The following CLEC2A variants were observed in gnomAD, a reference collection of about 807,000 sequenced individuals.
CLEC2A encodes C-type lectin domain family 2 member A, also known as keratinocyte-associated C-type lectin.
A neutral mutation model predicts 18.6 loss-of-function variants in CLEC2A; 19 were observed. The ratio of observed to expected loss-of-function variants is 1.02; its 90% confidence interval spans 0.71 to 1.50. The LOEUF is 1.50. CLEC2A is among the 40% of genes most tolerant of loss of function. The pLI is 0.00. For missense variants in CLEC2A, 190 were observed against 207.9 expected, an observed-to-expected ratio of 0.91 and a Z score of 0.53; for synonymous variants, 74 against 64.0, an observed-to-expected ratio of 1.16 and a Z score of -0.75.
At chr12:9,901,813 T>C (rs187358507) in intron 4 of CLEC2A, among the ~76,000 whole-genome samples, 1 of 152,342 alleles carries the variant, frequency 6.6e-6, no homozygotes, top group East Asian at 1.9e-4. Flanking sequence ...GCAAAAACCT[T>C]TTATAACCCT....
chr12:9,900,970 A>G (rs145064135), intron 4 of CLEC2A, among the ~76,000 whole-genome samples: 3,427 of 152,336 alleles, frequency 0.022, 136 homozygotes, highest in African/African-American at 0.078. Flanking sequence ...CAAATTCTAG[A>G]GGAACCAGGC....
downstream of CLEC2A, among the ~76,000 whole-genome samples, chr12:9,911,033 C>A (rs1247728344): frequency 2.0e-5 from 3 of 152,188 alleles, no homozygotes; most frequent in Admixed American, 1.3e-4. Flanking sequence ...GCACACTGAA[C>A]AAAGGAGGGT....
At chr12:9,922,329 T>G (rs2137047038) in intron 2 of CLEC2A, 97 bp from the exon 3 acceptor site, 3 of 1,011,140 alleles carry the variant, frequency 3.0e-6, no homozygotes, top group East Asian at 5.8e-5. Context: ...TTCCACAGTT[T>G]GAGGCCCGTA....
the CLEC2A span, among the ~76,000 whole-genome samples, chr12:9,881,855 T>C: frequency 1.9e-3 from 293 of 152,246 alleles, 1 homozygote; most frequent in African/African-American, 6.9e-3. Flanking sequence ...TTCAGAGCCA[T>C]GAGGTAAGAG....
At chr12:9,888,229 A>G in the CLEC2A span, among the ~76,000 whole-genome samples, 5 of 151,886 alleles carry the variant, frequency 3.3e-5, no homozygotes, top group African/African-American at 1.2e-4. Context: ...GGTGGCTCAC[A>G]CCTGTAATCT....
downstream of CLEC2A, among the ~76,000 whole-genome samples, chr12:9,909,042 G>A (rs115641073): frequency 4.5e-3 from 680 of 152,218 alleles, 7 homozygotes; most frequent in African/African-American, 0.016. Context: ...TCTATCTTTT[G>A]TAATTTCTTG....
intron 1 of CLEC2A, 83 bp from the exon 2 acceptor site, chr12:9,926,426 A>G: frequency 1.2e-6 from 1 of 834,772 alleles, no homozygotes; most frequent in Non-Finnish European, 2.0e-6. Flanking sequence ...CTCTCCTATA[A>G]TTGTTAATCA....
intron 1 of CLEC2A, among the ~76,000 whole-genome samples, chr12:9,928,700 A>T (rs1403649318): frequency 1.3e-5 from 2 of 152,154 alleles, no homozygotes; most frequent in African/African-American, 4.8e-5. Context: ...TTGAACAAAT[A>T]CTTACAGAAG....
the CLEC2A span, among the ~76,000 whole-genome samples, chr12:9,891,841 T>A: frequency 1.3e-5 from 2 of 152,194 alleles, no homozygotes; most frequent in South Asian, 4.1e-4. Context: ...GGACATATAG[T>A]TTAATTTCTA....
chr12:9,928,353 G>C (rs1798636530), intron 1 of CLEC2A, among the ~76,000 whole-genome samples: 1 of 152,110 alleles, frequency 6.6e-6, no homozygotes, highest in African/African-American at 2.4e-5. Flanking sequence ...TGTAATCCCA[G>C]CTACTCGGGA....
intron 4 of CLEC2A, among the ~76,000 whole-genome samples, chr12:9,904,258 G>A (rs976720082): frequency 3.3e-5 from 5 of 152,154 alleles, no homozygotes; most frequent in East Asian, 1.9e-4. Context: ...AGAGAGCTCC[G>A]CATGATTCAT....
chr12:9,929,503 CTTG>C (rs998981779), intron 1 of CLEC2A, among the ~76,000 whole-genome samples: 1 of 152,024 alleles, frequency 6.6e-6, no homozygotes, highest in Non-Finnish European at 1.5e-5. Context: ...ATCATGTTTC[CTTG>C]TTGTTATCAA....
the CLEC2A span, among the ~76,000 whole-genome samples, chr12:9,889,238 C>T: frequency 6.6e-6 from 1 of 152,154 alleles, no homozygotes; most frequent in Non-Finnish European, 1.5e-5. Flanking sequence ...ATAATAATAA[C>T]TGTGTCACAG....
chr12:9,884,664 T>A, the CLEC2A span, among the ~76,000 whole-genome samples: 13 of 149,882 alleles, frequency 8.7e-5, no homozygotes, highest in Non-Finnish European at 1.6e-4. Flanking sequence ...TTTGTATGTA[T>A]AATTTATATG....
At chr12:9,904,255 T>G (rs1431153535) in intron 4 of CLEC2A, among the ~76,000 whole-genome samples, 6 of 152,096 alleles carry the variant, frequency 3.9e-5, no homozygotes, top group Non-Finnish European at 4.4e-5. Flanking sequence ...GAGAGAGAGC[T>G]CCGCATGATT....
intron 4 of CLEC2A, among the ~76,000 whole-genome samples, chr12:9,906,025 G>GT (rs57802045): frequency 0.06 from 8,825 of 146,538 alleles, 859 homozygotes; most frequent in African/African-American, 0.2. Context: ...TATTAGTTTT[G>GT]TTTTTTTTTT....
intron 4 of CLEC2A, among the ~76,000 whole-genome samples, chr12:9,900,108 C>G (rs771750469): frequency 2.0e-4 from 30 of 152,188 alleles, no homozygotes; most frequent in Non-Finnish European, 1.5e-4. Flanking sequence ...TGCTGCTTGG[C>G]TTTGGTTAGC....
intron 4 of CLEC2A, among the ~76,000 whole-genome samples, chr12:9,915,206 A>T (rs1209360053): frequency 6.6e-6 from 1 of 152,114 alleles, no homozygotes; most frequent in Non-Finnish European, 1.5e-5. Context: ...AAAACTAAAG[A>T]TGCTGGTGAG....
chr12:9,892,944 A>T, the CLEC2A span: 5 of 1,160,674 alleles, frequency 4.3e-6, no homozygotes, highest in African/African-American at 1.6e-5. Flanking sequence ...TTTTCCAAGT[A>T]GTCACATTTG....
Sources: gnomAD v4.1 joint callset for allele counts (sites outside exome capture counted in the v4.1 genomes callset) on GRCh38, gnomAD v4.1.1 for gene constraint, MANE v1.5 for transcripts, NCBI Gene and HGNC (gene_info 2026-07-23, HGNC 2026-07-21) for gene names.